The following RBM47 variants were observed in gnomAD, a reference collection of about 807,000 sequenced individuals.
RBM47 encodes RNA binding motif protein 47.
Under a neutral mutation model 47.1 loss-of-function variants are expected in RBM47, and 21 were observed. That is an observed-to-expected ratio of 0.45 (90% CI 0.32 to 0.64). The LOEUF is 0.64. Among genes scored for constraint, RBM47 ranks in the 30% least tolerant of loss-of-function variants. The pLI is 0.05. For synonymous variants in RBM47, 375 were observed against 361.7 expected, an observed-to-expected ratio of 1.04 and a Z score of -0.42; for missense variants, 708 against 870.9, an observed-to-expected ratio of 0.81 and a Z score of 2.35.
chr4:40,437,165 T>TAAAATAC (rs1370702282), intron 4 of RBM47, among the ~76,000 whole-genome samples: 2 of 135,740 alleles, frequency 1.5e-5, no homozygotes, highest in African/African-American at 5.8e-5. Context: ...TACATATATA[T>TAAAATAC]ATATATAATA....
rs1158010016 is a variant in RBM47, at chr4:40,628,004, T to C, written c.-240+1392A>G. Among the ~76,000 whole-genome samples the C allele has an allele frequency of 6.6e-6, 1 of 152,232 alleles. No individual in the cohort carries two copies. The highest frequency in any genetic ancestry group is 1.5e-5 in the Non-Finnish European group (1 of 68,054). On this transcript the variant is annotated intron_variant, in intron 1 of 6. Coordinates refer to ENST00000295971, the MANE Select transcript of RBM47 (RefSeq NM_001098634.2). This position sits in a 1 kb window ranked among gnomAD's most constrained non-coding sequence, Gnocchi z 4.0. ...ATAATTGATTGATATTCAGAATATC[T>C]TGATCTAATTAATTTAAAGCATGGC... is the stretch of plus-strand genomic sequence containing the variant.
intron 2 of RBM47, among the ~76,000 whole-genome samples, chr4:40,480,214 G>A (rs188936040): frequency 4.1e-4 from 63 of 152,164 alleles, no homozygotes; most frequent in Admixed American, 6.5e-4. Context: ...CTGACCTCAG[G>A]TGATCCATCT....
chr4:40,615,056 G>C (rs185052366), intron 1 of RBM47, among the ~76,000 whole-genome samples: 7 of 152,030 alleles, frequency 4.6e-5, no homozygotes, highest in African/African-American at 1.4e-4. Context: ...AACACAGGAG[G>C]TTGAAGCTGC....
chr4:40,550,286 C>T (rs545203172), intron 1 of RBM47, among the ~76,000 whole-genome samples: 4 of 152,196 alleles, frequency 2.6e-5, no homozygotes, highest in East Asian at 3.9e-4. Context: ...GTGGGGCCTT[C>T]GAGGGGAGAC....
At chr4:40,606,092 G>A (rs1226289312) in intron 1 of RBM47, among the ~76,000 whole-genome samples, 1 of 151,122 alleles carries the variant, frequency 6.6e-6, no homozygotes, top group East Asian at 1.9e-4. Context: ...CAGCTACTCA[G>A]GAGGCTGAGG....
intron 2 of RBM47, among the ~76,000 whole-genome samples, chr4:40,537,763 T>G (rs1338052125): frequency 1.3e-5 from 2 of 152,158 alleles, no homozygotes; most frequent in Non-Finnish European, 2.9e-5. Context: ...TGTGATGAAG[T>G]CACTGGTTGT....
In RBM47 at chr4:40,438,768, C is replaced by A. The variant is rs745331783; in HGVS notation, c.126G>T (p.Thr42=). 1.3e-6 allele frequency: 2 copies of A among 1,575,554 alleles called. No individual in the cohort carries two copies. The highest frequency in any genetic ancestry group is 2.3e-5 in the East Asian group (1 of 43,132). ...CGTTCTCTTGCACCATGCTGTAGCCCGTGCGCTCCATCAGCGCCAGCAGTG... is the reference window on the plus strand; with the variant it reads ...CGTTCTCTTGCACCATGCTGTAGCCAGTGCGCTCCATCAGCGCCAGCAGTG... ...EAALLALMER[T]GYSMVQENGQ... is the part of the protein sequence containing the mutation. Residue 42 remains threonine (T), a synonymous_variant, in exon 4 of 7, where the codon ACG becomes ACT. Coordinates refer to ENST00000295971, the MANE Select transcript of RBM47 (RefSeq NM_001098634.2).
At chr4:40,437,618 A>C (rs2154213044) in intron 4 of RBM47, among the ~76,000 whole-genome samples, 153 bp downstream of exon 4, 1 of 152,290 alleles carries the variant, frequency 6.6e-6, no homozygotes. Context: ...GGTGCCAGGA[A>C]AGAATTAGAC....
intron 2 of RBM47, among the ~76,000 whole-genome samples, chr4:40,477,114 C>T (rs1307544366): frequency 6.6e-6 from 1 of 151,288 alleles, no homozygotes; most frequent in Non-Finnish European, 1.5e-5. Context: ...ACCTGGGAGG[C>T]GGAGGTTGCA....
intron 2 of RBM47, among the ~76,000 whole-genome samples, chr4:40,499,987 T>A (rs540788804): frequency 6.6e-6 from 1 of 152,360 alleles, no homozygotes; most frequent in East Asian, 1.9e-4. Context: ...AGCTACTAGC[T>A]GTGCTTAAAC....
At chr4:40,581,732 G>GAGT (rs1458186034) in intron 1 of RBM47, among the ~76,000 whole-genome samples, 3 of 151,624 alleles carry the variant, frequency 2.0e-5, no homozygotes, top group African/African-American at 4.9e-5. Context: ...GGGTGTGTGT[G>GAGT]AAGAGAGGCT....
intron 1 of RBM47, among the ~76,000 whole-genome samples, chr4:40,569,411 ATTTTT>A (rs34044561): frequency 1.1e-4 from 16 of 140,178 alleles, no homozygotes; most frequent in African/African-American, 4.2e-4. Flanking sequence ...TTCTATTCTC[ATTTTT>A]TTTTTTTTTT....
chr4:40,436,171 C>CAA (rs68002544), intron 5 of RBM47, among the ~76,000 whole-genome samples: 3 of 130,214 alleles, frequency 2.3e-5, no homozygotes, highest in African/African-American at 5.9e-5. Context: ...GACTCTGTCT[C>CAA]AAAAAAAAAA....
At chr4:40,614,014 T>C (rs1736466055) in intron 1 of RBM47, among the ~76,000 whole-genome samples, 1 of 151,540 alleles carries the variant, frequency 6.6e-6, no homozygotes, top group Non-Finnish European at 1.5e-5. Context: ...TCCCACATTG[T>C]GACAACCAAA....
chr4:40,505,886 C>CA (rs199994772), intron 2 of RBM47, among the ~76,000 whole-genome samples: 2 of 80,328 alleles, frequency 2.5e-5, no homozygotes, highest in Non-Finnish European at 4.8e-5. Flanking sequence ...GAGTCTGTCT[C>CA]AAAAAAAACA....
At chr4:40,447,798 CAGG>C (rs749211123) in intron 3 of RBM47, among the ~76,000 whole-genome samples, 103 of 152,314 alleles carry the variant, frequency 6.8e-4, no homozygotes, top group Non-Finnish European at 1.4e-3. Context: ...ATCACAAGGT[CAGG>C]AGATCGAGAC....
chr4:40,492,574 C>T (rs559264069), intron 2 of RBM47, among the ~76,000 whole-genome samples: 3 of 152,254 alleles, frequency 2.0e-5, no homozygotes, highest in African/African-American at 7.2e-5. Flanking sequence ...CCATGTTCTC[C>T]ACTAATTTCA....
chr4:40,553,808 A>G (rs1729805282), intron 1 of RBM47, among the ~76,000 whole-genome samples: 1 of 152,166 alleles, frequency 6.6e-6, no homozygotes, highest in Non-Finnish European at 1.5e-5. Flanking sequence ...GACTTTTACT[A>G]TCAACAAGCT....
In RBM47 at chr4:40,628,046, A is replaced by C. The variant is rs1474092540; in HGVS notation, c.-240+1350T>G. Among the ~76,000 whole-genome samples the C allele has an allele frequency of 6.6e-6, 1 of 152,200 alleles. No individual in the cohort carries two copies. Among genetic ancestry groups the C allele is most frequent in the African/African-American group, 2.4e-5 (1 of 41,450 alleles). On this transcript the variant is annotated intron_variant, in intron 1 of 6. Transcript: ENST00000295971. This position sits in a 1 kb window ranked among gnomAD's most constrained non-coding sequence, Gnocchi z 4.0. ...AAGCATGGCCTACCTAGCCAGGTAA[A>C]GGACGGCACAGCTAGGCTTATTTCT...
Sources: allele counts gnomAD v4.1 joint callset (sites outside exome capture counted in the v4.1 genomes callset), GRCh38; gene constraint gnomAD v4.1.1; non-coding constraint Gnocchi (gnomAD v3.1); transcripts MANE v1.5; gene names NCBI Gene and HGNC (gene_info 2026-07-23, HGNC 2026-07-21).